Variants in OPCML observed in about 807,000 individuals in gnomAD.
OPCML encodes the protein opioid-binding protein/cell adhesion molecule.
Under a neutral mutation model 37.8 loss-of-function variants are expected in OPCML, and 13 were observed. That is an observed-to-expected ratio of 0.34 (90% CI 0.22 to 0.55). The LOEUF is 0.55. Ranked by LOEUF, OPCML falls within the 20% of genes least tolerant of loss-of-function variation. The pLI is 0.91. For synonymous variants in OPCML, 176 were observed against 168.8 expected, an observed-to-expected ratio of 1.04 and a Z score of -0.33; for missense variants, 341 against 435.6, an observed-to-expected ratio of 0.78 and a Z score of 1.93.
chr11:132,736,509 A>G (rs1223360601), intron 2 of OPCML, among the ~76,000 whole-genome samples: 1 of 152,188 alleles, frequency 6.6e-6, no homozygotes, highest in Non-Finnish European at 1.5e-5. Context: ...ATGCCCCACT[A>G]CAGAACCCTT....
intron 1 of OPCML, among the ~76,000 whole-genome samples, chr11:133,391,848 T>C (rs1945180802): frequency 6.6e-6 from 1 of 152,186 alleles, no homozygotes; most frequent in Non-Finnish European, 1.5e-5. Flanking sequence ...GCTTTATTTT[T>C]CTCTCATTAC....
At chr11:132,681,543 C>T (rs1942942156) in intron 2 of OPCML, among the ~76,000 whole-genome samples, 2 of 152,170 alleles carry the variant, frequency 1.3e-5, no homozygotes, top group South Asian at 2.1e-4. Flanking sequence ...CTCCCCTTCC[C>T]ACTGAGAGCC....
chr11:132,626,407 G>A (rs1939741165), intron 3 of OPCML, among the ~76,000 whole-genome samples: 1 of 152,092 alleles, frequency 6.6e-6, no homozygotes, highest in Non-Finnish European at 1.5e-5. Flanking sequence ...AAGATACTAT[G>A]AGGAATAAAT....
In OPCML at chr11:133,208,566, G is replaced by A. The variant is rs1939214788; in HGVS notation, c.62-265556C>T. Among the ~76,000 whole-genome samples the A allele has an allele frequency of 6.6e-6, 1 of 152,186 alleles. No individual in the cohort carries two copies. Among genetic ancestry groups the A allele is most frequent in the African/African-American group, 2.4e-5 (1 of 41,448 alleles). On this transcript the variant is annotated intron_variant, in intron 1 of 7. Coordinates refer to ENST00000524381, the MANE Select transcript of OPCML (RefSeq NM_001012393.5). This position sits in a 1 kb window ranked among gnomAD's most constrained non-coding sequence, Gnocchi z 8.9. ...TCCAATGCTGGCTATCCACATATGT[G>A]TATTAGTGAAGTTGAAGCAGGAAAA...
At chr11:133,412,650 C>T (rs1325223895) in intron 1 of OPCML, among the ~76,000 whole-genome samples, 1 of 152,202 alleles carries the variant, frequency 6.6e-6, no homozygotes. Flanking sequence ...ATGCCCCTAT[C>T]CTCTCTTCAT....
At chr11:132,813,445 C>G (rs577517594) in intron 2 of OPCML, among the ~76,000 whole-genome samples, 1 of 152,166 alleles carries the variant, frequency 6.6e-6, no homozygotes, top group South Asian at 2.1e-4. Flanking sequence ...AACCTGAGCA[C>G]CATAACCGTC....
intron 1 of OPCML, among the ~76,000 whole-genome samples, chr11:133,246,098 A>C (rs757864538): frequency 5.9e-5 from 9 of 152,190 alleles, no homozygotes; most frequent in Non-Finnish European, 8.8e-5. Context: ...CTTTCTGCAC[A>C]TGTATCCCAG....
At chr11:132,516,905 C>T (rs2137219668) in intron 4 of OPCML, among the ~76,000 whole-genome samples, 1 of 152,268 alleles carries the variant, frequency 6.6e-6, no homozygotes, top group East Asian at 1.9e-4. Flanking sequence ...GATGTCGAAC[C>T]TCTTCTGCTG....
At chr11:132,461,348 A>T (rs2096100957) in intron 4 of OPCML, among the ~76,000 whole-genome samples, 1 of 152,110 alleles carries the variant, frequency 6.6e-6, no homozygotes, top group Non-Finnish European at 1.5e-5. Context: ...CATGCCTAGG[A>T]TATGAAGCCT....
chr11:133,246,670 T>C (rs549654027), intron 1 of OPCML, among the ~76,000 whole-genome samples: 6 of 152,366 alleles, frequency 3.9e-5, no homozygotes, highest in East Asian at 1.9e-4. Flanking sequence ...TGAATTCTTC[T>C]GCATTTCTTA....
intron 7 of OPCML, among the ~76,000 whole-genome samples, chr11:132,423,978 A>C (rs1218095658): frequency 6.6e-6 from 1 of 152,186 alleles, no homozygotes; most frequent in Non-Finnish European, 1.5e-5. Flanking sequence ...AGCTGCATGG[A>C]CTTCTCCAGG....
At chr11:133,061,896 T>C (rs887850163) in intron 1 of OPCML, among the ~76,000 whole-genome samples, 3 of 150,740 alleles carry the variant, frequency 2.0e-5, no homozygotes, top group African/African-American at 7.4e-5. Flanking sequence ...TAAACAGAAA[T>C]TGAGGTGGGG....
intron 1 of OPCML, among the ~76,000 whole-genome samples, chr11:133,045,137 A>G (rs1009197957): frequency 1.3e-5 from 2 of 151,624 alleles, no homozygotes; most frequent in African/African-American, 4.9e-5. Context: ...CCTCACACAT[A>G]CCCCCGGCTC....
At chr11:132,793,640 A>C (rs1044912120) in intron 2 of OPCML, among the ~76,000 whole-genome samples, 1 of 152,136 alleles carries the variant, frequency 6.6e-6, no homozygotes, top group Non-Finnish European at 1.5e-5. Context: ...TCTAACTTAG[A>C]CATAGCTTGA....
chr11:132,988,719 A>G (rs1044291908), intron 1 of OPCML, among the ~76,000 whole-genome samples: 3 of 152,238 alleles, frequency 2.0e-5, no homozygotes, highest in Admixed American at 2.0e-4. Context: ...TGAGGTCAGG[A>G]ATAGTGGGTT....
At chr11:132,774,221 G>A (rs1030645156) in intron 2 of OPCML, among the ~76,000 whole-genome samples, 1 of 152,136 alleles carries the variant, frequency 6.6e-6, no homozygotes, top group African/African-American at 2.4e-5. Flanking sequence ...CAGTGCTGAT[G>A]GGTTCAAAAC....
intron 1 of OPCML, among the ~76,000 whole-genome samples, chr11:133,323,734 G>T (rs1943387661): frequency 6.6e-6 from 1 of 152,142 alleles, no homozygotes; most frequent in African/African-American, 2.4e-5. Flanking sequence ...AAGAGATTCT[G>T]GGAGAAAACA....
chr11:132,456,900 C>T (rs1366081718), intron 4 of OPCML, among the ~76,000 whole-genome samples: 2 of 152,202 alleles, frequency 1.3e-5, no homozygotes, highest in Non-Finnish European at 2.9e-5. Flanking sequence ...TCAATGCCTG[C>T]ATTAGGCAGA....
chr11:133,449,003 A>G (rs1179677872), intron 1 of OPCML, among the ~76,000 whole-genome samples: 2 of 152,240 alleles, frequency 1.3e-5, no homozygotes, highest in East Asian at 1.9e-4. Flanking sequence ...TTCTAAATTA[A>G]AACTACAAGT....
Sources: allele counts gnomAD v4.1 joint callset (sites outside exome capture counted in the v4.1 genomes callset), GRCh38; gene constraint gnomAD v4.1.1; non-coding constraint Gnocchi (gnomAD v3.1); transcripts MANE v1.5; gene names NCBI Gene and HGNC (gene_info 2026-07-23, HGNC 2026-07-21).